ITPR2: variants seen among roughly 807,000 people sequenced by gnomAD.
ITPR2 encodes inositol 1,4,5-trisphosphate-gated calcium channel ITPR2.
A neutral mutation model predicts 317.1 loss-of-function variants in ITPR2; 207 were observed. That is an observed-to-expected ratio of 0.65 (90% CI 0.58 to 0.73). The LOEUF (loss-of-function observed/expected upper bound fraction) is 0.73. Among genes scored for constraint, ITPR2 ranks in the 30% least tolerant of loss-of-function variants. The pLI, the probability that ITPR2 is intolerant of heterozygous loss-of-function variation, is 0.00. For missense variants in ITPR2, 2,613 were observed against 3,284.0 expected, an observed-to-expected ratio of 0.80 and a Z score of 4.99; for synonymous variants, 1,156 against 1,149.1, an observed-to-expected ratio of 1.01 and a Z score of -0.12.
At chr12:26,385,142 C>T (rs999601765) in intron 55 of ITPR2, among the ~76,000 whole-genome samples, 22 of 152,256 alleles carry the variant, frequency 1.4e-4, no homozygotes, top group Middle Eastern at 3.4e-3. Context: ...CAAGACTCAT[C>T]CATGAAATCC....
chr12:26,416,739 A>C (rs945855298), intron 50 of ITPR2, among the ~76,000 whole-genome samples: 1 of 152,240 alleles, frequency 6.6e-6, no homozygotes, highest in Non-Finnish European at 1.5e-5. Context: ...CAGTACAGAC[A>C]AATTAACTAA....
chr12:26,541,760 G>A (rs1303732483), intron 37 of ITPR2, among the ~76,000 whole-genome samples: 1 of 152,018 alleles, frequency 6.6e-6, no homozygotes, highest in Non-Finnish European at 1.5e-5. Flanking sequence ...AAGTTGCTTG[G>A]TATAATTATG....
intron 9 of ITPR2, among the ~76,000 whole-genome samples, chr12:26,696,603 T>A (rs928776297): frequency 6.6e-6 from 1 of 152,078 alleles, no homozygotes; most frequent in African/African-American, 2.4e-5. Context: ...CATTAAGAAC[T>A]AAGGCTGAAA....
intron 55 of ITPR2, among the ~76,000 whole-genome samples, chr12:26,373,996 G>C (rs940815301): frequency 5.9e-5 from 9 of 152,126 alleles, no homozygotes; most frequent in African/African-American, 2.2e-4. Context: ...ATGTAATTTG[G>C]GTTCTGACTC....
chr12:26,550,098 T>C, intron 37 of ITPR2, 149 bp downstream of exon 37: 1 of 429,528 alleles, frequency 2.3e-6, no homozygotes, highest in Admixed American at 4.5e-5. Flanking sequence ...ATGAATATCA[T>C]AAAAACTCAA....
At chr12:26,502,172 C>G (rs1943086496) in intron 37 of ITPR2, among the ~76,000 whole-genome samples, 1 of 152,172 alleles carries the variant, frequency 6.6e-6, no homozygotes, top group Non-Finnish European at 1.5e-5. Context: ...AGGAAGCATA[C>G]TAACTAACAT....
At chr12:26,354,059 A>G (rs1409109565) in intron 55 of ITPR2, among the ~76,000 whole-genome samples, 1 of 152,184 alleles carries the variant, frequency 6.6e-6, no homozygotes, top group African/African-American at 2.4e-5. Context: ...GGATCACCTG[A>G]GGTCAGGAGT....
chr12:26,516,320 A>AGGAAAGGAAAGGAAG (rs1943514405), intron 37 of ITPR2, among the ~76,000 whole-genome samples: 2 of 143,534 alleles, frequency 1.4e-5, no homozygotes, highest in Admixed American at 7.3e-5. Context: ...AGGAAAGGAA[A>AGGAAAGGAAAGGAAG]GGAAAGGAAA....
At chr12:26,497,200 C>A (rs1357195071) in intron 37 of ITPR2, among the ~76,000 whole-genome samples, 3 of 146,666 alleles carry the variant, frequency 2.0e-5, no homozygotes, top group Non-Finnish European at 4.5e-5. Flanking sequence ...GTGGCCCAGG[C>A]TGGAGTGCAG....
intron 37 of ITPR2, among the ~76,000 whole-genome samples, chr12:26,535,962 C>A (rs1044632569): frequency 4.6e-5 from 7 of 152,320 alleles, no homozygotes; most frequent in Middle Eastern, 3.4e-3. Context: ...AAAACTGTTG[C>A]AGCAGATGTC....
chr12:26,661,684 G>A (rs148632586), intron 15 of ITPR2, among the ~76,000 whole-genome samples: 4 of 152,180 alleles, frequency 2.6e-5, no homozygotes, highest in Non-Finnish European at 4.4e-5. Flanking sequence ...AGCACTGCTC[G>A]TACGGGTGAA....
At chr12:26,492,105 G>A (rs1942821368) in intron 39 of ITPR2, among the ~76,000 whole-genome samples, 1 of 152,148 alleles carries the variant, frequency 6.6e-6, no homozygotes, top group Non-Finnish European at 1.5e-5. Context: ...AGAAGAAATG[G>A]TAGGAGGTAG....
rs902443584 is a variant in ITPR2, at chr12:26,601,140, A to G, written c.3679-1031T>C. Among the ~76,000 whole-genome samples the G allele has an allele frequency of 8.5e-5, 13 of 152,336 alleles. 1 individual carries two copies. Among genetic ancestry groups the G allele is most frequent in the African/African-American group, 3.1e-4 (13 of 41,584 alleles). On this transcript the variant is annotated intron_variant, in intron 28 of 56. Transcript: ENST00000381340. ...TTAAAAGTGGTCTTGTGACAACATC[A>G]GTGAAACTACCTAAAATTTCCCCAT... is the stretch of plus-strand genomic sequence containing the variant.
At position 26,394,465 on chromosome 12, in the gene ITPR2, T is replaced by G. The variant is rs543745142; in HGVS notation, c.7696+4411A>C. On this transcript the variant is annotated intron_variant, in intron 54 of 56. Coordinates refer to ENST00000381340, the MANE Select transcript of ITPR2 (RefSeq NM_002223.4). ...GGGCAGGAGTTCAACAGCGTAGGAA[T>G]TGGGGCATTCCAAATGAAATTGTTC... 1.8e-4 allele frequency among the ~76,000 whole-genome samples: 27 copies of G among 152,156 alleles called. 1 individual carries two copies. The South Asian group carries it at 3.3e-3, about 19-fold the overall frequency.
intron 41 of ITPR2, among the ~76,000 whole-genome samples, chr12:26,484,504 T>C (rs551283704): frequency 3.9e-5 from 6 of 152,192 alleles, no homozygotes; most frequent in Non-Finnish European, 8.8e-5. Context: ...CTCTGCATAC[T>C]GCTTGTTATA....
intron 55 of ITPR2, among the ~76,000 whole-genome samples, chr12:26,379,591 G>A (rs1039508201): frequency 6.6e-6 from 1 of 151,820 alleles, no homozygotes; most frequent in East Asian, 1.9e-4. Flanking sequence ...CTCCAAATAC[G>A]CCCTCCCCCT....
chr12:26,790,007 C>A, intron 2 of ITPR2, 150 bp downstream of exon 2: 1 of 663,006 alleles, frequency 1.5e-6, no homozygotes. Flanking sequence ...AAAAGAAAAA[C>A]AATGGAAAAA....
rs185645866 is a variant in ITPR2, at chr12:26,728,307, C to T, written c.164-2542G>A. On this transcript the variant is annotated intron_variant, in intron 2 of 56. Transcript: ENST00000381340. Reference sequence around the variant, plus strand: ...CTTAATAATCGACTAGATGTGGGGGCGGGAAAAGGTCAAGGAGGGGTAAGT... The same window carrying T: ...CTTAATAATCGACTAGATGTGGGGGTGGGAAAAGGTCAAGGAGGGGTAAGT... Among the ~76,000 whole-genome samples, 80 of 152,038 alleles carry T rather than the reference C, an allele frequency of 5.3e-4. No homozygotes were observed. In the East Asian group the frequency reaches 7.5e-3, roughly 14 times the overall value.
intron 32 of ITPR2, among the ~76,000 whole-genome samples, chr12:26,591,640 G>A (rs535877452): frequency 6.1e-4 from 93 of 151,896 alleles, no homozygotes; most frequent in Middle Eastern, 3.2e-3. Flanking sequence ...GACCAGCCTG[G>A]CCAACATGGT....
Sources: allele counts gnomAD v4.1 joint callset (sites outside exome capture counted in the v4.1 genomes callset), GRCh38; gene constraint gnomAD v4.1.1; transcripts MANE v1.5; gene names NCBI Gene and HGNC (gene_info 2026-07-23, HGNC 2026-07-21).